Variants in PRKN observed in about 807,000 individuals in gnomAD.
PRKN encodes E3 ubiquitin-protein ligase parkin.
PRKN carries 56 observed loss-of-function variants against 59.5 expected under a neutral mutation model. The observed-to-expected ratio is 0.94, with a 90% CI of 0.76 to 1.18. PRKN has a LOEUF of 1.18. PRKN is among the 50% of genes most tolerant of loss of function. The pLI is 0.00. For missense variants in PRKN, 657 were observed against 596.4 expected (o/e 1.10, Z -1.06); for synonymous variants, 250 against 222.1 (o/e 1.13, Z -1.12).
At chr6:162,718,968 G>A (rs2128240150) in intron 1 of PRKN, among the ~76,000 whole-genome samples, 1 of 151,922 alleles carries the variant, frequency 6.6e-6, no homozygotes, top group African/African-American at 2.4e-5. Context: ...ACACACACAC[G>A]AGAAAGGGAC....
At position 161,458,427 on chromosome 6, in the gene PRKN, G is replaced by A. The variant is rs1232420504; in HGVS notation, c.1084-71550C>T. ...CCGTTATCACAGCTCCCTGGCCCTC[G>A]CCGCGGTGGAGGCAGCCGTCTGTCT... On this transcript the variant is annotated intron_variant, in intron 9 of 11. Coordinates refer to ENST00000366898, the MANE Select transcript of PRKN (RefSeq NM_004562.3). This position sits in a 1 kb window ranked among gnomAD's most constrained non-coding sequence, Gnocchi z 6.1. Among the ~76,000 whole-genome samples the A allele has an allele frequency of 6.6e-6, 1 of 152,092 alleles. No homozygotes were observed. Among genetic ancestry groups the A allele is most frequent in the Non-Finnish European group, 1.5e-5 (1 of 68,022 alleles).
At position 161,804,731 on chromosome 6, in the gene PRKN, CAAT is replaced by C. The variant is rs1791236359; in HGVS notation, c.735-18826_735-18824del. ...AACAATGCGTTTTAGAGTTCTGCAA[CAAT>C]AATAACCACAAAACACTGAAAAAGT... On this transcript the variant is annotated intron_variant, in intron 6 of 11. Coordinates refer to ENST00000366898, the MANE Select transcript of PRKN (RefSeq NM_004562.3). Among the ~76,000 whole-genome samples, 5 of 152,320 alleles carry C rather than the reference CAAT, an allele frequency of 3.3e-5. No homozygotes were observed. The South Asian group carries it at 8.3e-4, about 25-fold the overall frequency.
chr6:162,265,808 C>A (rs1197017905), intron 2 of PRKN, among the ~76,000 whole-genome samples: 1 of 152,188 alleles, frequency 6.6e-6, no homozygotes, highest in African/African-American at 2.4e-5. Context: ...GCAGCTGAAG[C>A]CAGCCTGAGG....
At chr6:162,220,569 T>G (rs960712670) in intron 3 of PRKN, among the ~76,000 whole-genome samples, 1 of 152,156 alleles carries the variant, frequency 6.6e-6, no homozygotes, top group African/African-American at 2.4e-5. Context: ...CTGTCACCTA[T>G]GCAGTGAGCA....
intron 4 of PRKN, among the ~76,000 whole-genome samples, chr6:162,087,836 C>T (rs1398088243): frequency 6.6e-6 from 1 of 152,114 alleles, no homozygotes; most frequent in African/African-American, 2.4e-5. Flanking sequence ...TCGTGATCCA[C>T]CCGCCTCAGC....
At chr6:162,329,731 T>A (rs2128124437) in intron 2 of PRKN, among the ~76,000 whole-genome samples, 1 of 152,008 alleles carries the variant, frequency 6.6e-6, no homozygotes, top group Admixed American at 6.6e-5. Flanking sequence ...AATAAAAAAA[T>A]AAAAAAACTC....
chr6:162,613,686 G>A (rs895981154), intron 1 of PRKN, among the ~76,000 whole-genome samples: 1 of 152,078 alleles, frequency 6.6e-6, no homozygotes, highest in Non-Finnish European at 1.5e-5. Flanking sequence ...AGAAAAAAAT[G>A]AAAAAATATA....
chr6:162,427,489 C>T (rs947551644), intron 2 of PRKN, among the ~76,000 whole-genome samples: 3 of 152,188 alleles, frequency 2.0e-5, no homozygotes, highest in African/African-American at 4.8e-5. Flanking sequence ...ACACAGGTGA[C>T]CTACTGCTAT....
chr6:161,574,566 A>G (rs1781060865), intron 7 of PRKN, among the ~76,000 whole-genome samples: 1 of 151,998 alleles, frequency 6.6e-6, no homozygotes, highest in Admixed American at 6.6e-5. Context: ...TTGATGGGTG[A>G]AACTGGTATC....
chr6:162,119,665 C>T (rs1012144754), intron 4 of PRKN, among the ~76,000 whole-genome samples: 1 of 152,068 alleles, frequency 6.6e-6, no homozygotes, highest in African/African-American at 2.4e-5. Context: ...CTTCCAAGAA[C>T]AGTTTATCTT....
chr6:161,757,817 A>C (rs1171082439), intron 7 of PRKN, among the ~76,000 whole-genome samples: 1 of 72,836 alleles, frequency 1.4e-5, no homozygotes, highest in African/African-American at 5.0e-5. Context: ...CAGCCTGGGC[A>C]ATAGAGCAAA....
chr6:161,937,906 C>T (rs1230799761), intron 6 of PRKN, among the ~76,000 whole-genome samples: 5 of 152,152 alleles, frequency 3.3e-5, no homozygotes. Context: ...CTAAATGATC[C>T]CTGATTTTTA....
intron 7 of PRKN, among the ~76,000 whole-genome samples, chr6:161,667,544 G>C (rs535337829): frequency 6.6e-6 from 1 of 152,102 alleles, no homozygotes; most frequent in Non-Finnish European, 1.5e-5. Flanking sequence ...CTTGTTAGAG[G>C]GTTTATTGGG....
intron 7 of PRKN, among the ~76,000 whole-genome samples, chr6:161,686,063 A>C (rs1583004028): frequency 7.9e-6 from 1 of 126,896 alleles, no homozygotes; most frequent in Admixed American, 9.3e-5. Flanking sequence ...AAAAGTAAAA[A>C]GTAGAAAACA....
chr6:161,539,407 C>T (rs1411170284), intron 9 of PRKN, among the ~76,000 whole-genome samples: 2 of 106,106 alleles, frequency 1.9e-5, no homozygotes, highest in Non-Finnish European at 5.0e-5. Context: ...CGGACCACCA[C>T]CTGCATGCCT....
At chr6:162,323,615 A>C (rs1042797899) in intron 2 of PRKN, among the ~76,000 whole-genome samples, 1 of 152,130 alleles carries the variant, frequency 6.6e-6, no homozygotes, top group African/African-American at 2.4e-5. Context: ...CACTTCATCA[A>C]AGAAAATACT....
chr6:162,456,547 T>A (rs1790881382), intron 1 of PRKN, among the ~76,000 whole-genome samples: 1 of 152,168 alleles, frequency 6.6e-6, no homozygotes. Flanking sequence ...TGAGATGATG[T>A]GTAAAGATAT....
chr6:161,933,029 C>T (rs1285338543), intron 6 of PRKN, among the ~76,000 whole-genome samples: 2 of 152,156 alleles, frequency 1.3e-5, no homozygotes, highest in African/African-American at 2.4e-5. Context: ...CCTGTAATCC[C>T]GTCACTTTGG....
In PRKN at chr6:161,575,732, A is replaced by G. The variant is rs1034379866; in HGVS notation, c.872-6316T>C. ...GGTCACATGACACAAATAATCTGCA[A>G]TTTGCAGATTGCTGCTGTTTGGTGC... On this transcript the variant is annotated intron_variant, in intron 7 of 11. Coordinates refer to ENST00000366898, the MANE Select transcript of PRKN (RefSeq NM_004562.3). This position sits in a 1 kb window ranked among gnomAD's most constrained non-coding sequence, Gnocchi z 4.6. Among the ~76,000 whole-genome samples, 2 of 152,072 alleles carry G rather than the reference A, an allele frequency of 1.3e-5. No individual in the cohort carries two copies. The highest frequency in any genetic ancestry group is 3.9e-4 in the East Asian group (2 of 5,184).
Sources: gnomAD v4.1 joint callset for allele counts (sites outside exome capture counted in the v4.1 genomes callset) on GRCh38, gnomAD v4.1.1 for gene constraint, Gnocchi (gnomAD v3.1) non-coding constraint, MANE v1.5 for transcripts, NCBI Gene and HGNC (gene_info 2026-07-23, HGNC 2026-07-21) for gene names.